Variants in MARCHF11 observed in about 807,000 individuals in gnomAD.
MARCHF11 encodes membrane associated ring-CH-type finger 11, also known as E3 ubiquitin-protein ligase MARCHF11.
MARCHF11 carries 29 observed loss-of-function variants against 37.3 expected under a neutral mutation model. That is an observed-to-expected ratio of 0.78 (90% CI 0.58 to 1.06). The LOEUF is 1.06. MARCHF11 is among the 50% of genes least tolerant of loss of function. The probability of loss-of-function intolerance (pLI) is 0.00; values close to 1 mark genes in which losing one functional copy is unlikely to be tolerated. For synonymous variants in MARCHF11, 233 were observed against 228.0 expected (o/e 1.02, Z -0.20); for missense variants, 482 against 533.4 (o/e 0.90, Z 0.95).
chr5:16,164,112 T>C (rs149823385), intron 2 of MARCHF11, among the ~76,000 whole-genome samples: 440 of 152,198 alleles, frequency 2.9e-3, no homozygotes, highest in African/African-American at 0.01. Flanking sequence ...TATTAAATTA[T>C]CCAGTCTGGT....
intron 2 of MARCHF11, among the ~76,000 whole-genome samples, chr5:16,173,075 A>G (rs954998833): frequency 9.9e-5 from 15 of 152,214 alleles, no homozygotes; most frequent in African/African-American, 3.1e-4. Context: ...AAAGGCTAAT[A>G]AAAAACAGTA....
intron 3 of MARCHF11, among the ~76,000 whole-genome samples, chr5:16,075,570 C>A (rs538206725): frequency 6.6e-6 from 1 of 152,070 alleles, no homozygotes; most frequent in Non-Finnish European, 1.5e-5. Context: ...AAAACTCAGT[C>A]TTTGCTGAAA....
chr5:16,107,394 G>A (rs1229273760), intron 2 of MARCHF11, among the ~76,000 whole-genome samples: 1 of 151,668 alleles, frequency 6.6e-6, no homozygotes, highest in African/African-American at 2.4e-5. Flanking sequence ...TGTCCCTACT[G>A]AAGCATAATT....
At chr5:16,148,585 C>T (rs547539668) in intron 2 of MARCHF11, among the ~76,000 whole-genome samples, 1 of 152,324 alleles carries the variant, frequency 6.6e-6, no homozygotes, top group South Asian at 2.1e-4. Context: ...GATCCTTCTC[C>T]AGCCAACTGT....
intron 2 of MARCHF11, among the ~76,000 whole-genome samples, chr5:16,164,367 A>G (rs1738136652): frequency 6.6e-6 from 1 of 152,074 alleles, no homozygotes. Flanking sequence ...AAGGAAATAG[A>G]AGTCTTGAAC....
At chr5:16,129,309 A>C (rs904596352) in intron 2 of MARCHF11, 1 of 152,192 alleles carries the variant, frequency 6.6e-6, no homozygotes, top group African/African-American at 2.4e-5. Flanking sequence ...GTAAGATTGT[A>C]GAATGGCTGG....
In MARCHF11 at chr5:16,081,476, A is replaced by C. The variant is rs572090588; in HGVS notation, c.886+9413T>G. Among the ~76,000 whole-genome samples the C allele has an allele frequency of 1.5e-4, 23 of 152,324 alleles. No homozygotes were observed. In the East Asian group the frequency reaches 4.1e-3, roughly 27 times the overall value. On this transcript the variant is annotated intron_variant, in intron 3 of 3. Coordinates refer to ENST00000332432, the MANE Select transcript of MARCHF11 (RefSeq NM_001102562.3). Reference sequence around the variant, plus strand: ...TAAAAATGTATTCAACCATTTAAAAACGTAAAAGCCATTCTTAGATCCCGG... The same window carrying C: ...TAAAAATGTATTCAACCATTTAAAACCGTAAAAGCCATTCTTAGATCCCGG...
chr5:16,095,914 C>T (rs1053260113), intron 2 of MARCHF11, among the ~76,000 whole-genome samples: 7 of 152,188 alleles, frequency 4.6e-5, no homozygotes, highest in African/African-American at 1.4e-4. Flanking sequence ...TGGAAATACA[C>T]GGAATTCTGA....
intron 2 of MARCHF11, among the ~76,000 whole-genome samples, chr5:16,101,553 G>A (rs1166313228): frequency 6.6e-6 from 1 of 152,170 alleles, no homozygotes; most frequent in African/African-American, 2.4e-5. Flanking sequence ...TGCCCCATAT[G>A]AATTAAAAGT....
chr5:16,083,448 A>G (rs1057058994), intron 3 of MARCHF11, among the ~76,000 whole-genome samples: 34 of 152,156 alleles, frequency 2.2e-4, no homozygotes, highest in African/African-American at 8.2e-4. Context: ...ATCGCTACCT[A>G]TCGACAACAA....
chr5:16,079,362 T>C (rs1736569732), intron 3 of MARCHF11, among the ~76,000 whole-genome samples: 1 of 152,190 alleles, frequency 6.6e-6, no homozygotes, highest in African/African-American at 2.4e-5. Flanking sequence ...ATGCACCACC[T>C]TCTTTCTGGC....
chr5:16,169,997 G>A (rs1738231924), intron 2 of MARCHF11, among the ~76,000 whole-genome samples: 1 of 152,090 alleles, frequency 6.6e-6, no homozygotes. Context: ...TTAGTGAGGA[G>A]GAAATAGCCT....
chr5:16,164,677 G>T lies in MARCHF11; in HGVS notation c.693+13049C>A, dbSNP rs373170656. ...ATTATTGATAATAAATGAGATAAAGGCTATAAATAACTTGAAGTTAAAGTC... is the reference window on the plus strand; with the variant it reads ...ATTATTGATAATAAATGAGATAAAGTCTATAAATAACTTGAAGTTAAAGTC... On this transcript the variant is annotated intron_variant, in intron 2 of 3. Coordinates refer to ENST00000332432, the MANE Select transcript of MARCHF11 (RefSeq NM_001102562.3). Among the ~76,000 whole-genome samples the T allele has an allele frequency of 3.9e-5, 6 of 152,046 alleles. No homozygotes were observed. In the South Asian group the frequency reaches 6.2e-4, roughly 16 times the overall value.
Position 16,179,203 on chromosome 5 carries a change from C to T in MARCHF11, c.373G>A (p.Gly125Ser). Residue 125 changes from glycine to serine, a missense_variant, in exon 1 of 4, where the codon GGC becomes AGC. Physicochemically the swap from Gly to Ser is moderately conservative, Grantham distance 56. Coordinates refer to ENST00000332432, the MANE Select transcript of MARCHF11 (RefSeq NM_001102562.3). ...AKGGPGESEA[G>S]AGGERERRGA... is the part of the protein sequence containing the mutation. ...CGCCGCTCGCGCTCGCCGCCCGCGC[C>T]GGCCTCAGACTCCCCGGGGCCGCCT... 1.5e-6 allele frequency: 2 copies of T among 1,337,952 alleles called. No homozygotes were observed. The highest frequency in any genetic ancestry group is 1.9e-6 in the Non-Finnish European group (2 of 1,052,616). The allele number at this position is 1,337,952 out of a possible 1,614,324, so 82.9% of individuals were successfully genotyped here.
intron 3 of MARCHF11, among the ~76,000 whole-genome samples, chr5:16,086,922 C>T (rs780644977): frequency 7.9e-5 from 12 of 152,170 alleles, no homozygotes; most frequent in Non-Finnish European, 1.3e-4. Context: ...GGCCTTCTGC[C>T]GGGCAGGTGT....
chr5:16,107,264 C>T (rs927897353), intron 2 of MARCHF11, among the ~76,000 whole-genome samples: 3 of 151,760 alleles, frequency 2.0e-5, no homozygotes, highest in South Asian at 2.1e-4. Flanking sequence ...CTCTCCCAAG[C>T]GTTGCTTAAA....
intron 2 of MARCHF11, among the ~76,000 whole-genome samples, chr5:16,144,669 C>T (rs148484350): frequency 1.8e-4 from 28 of 152,302 alleles, no homozygotes; most frequent in Non-Finnish European, 3.7e-4. Context: ...CACATGGCTC[C>T]GCACCCAGTG....
chr5:16,092,989 T>C (rs17526214), intron 2 of MARCHF11, among the ~76,000 whole-genome samples: 13,701 of 152,270 alleles, frequency 0.09, 841 homozygotes, highest in Non-Finnish European at 0.13. Context: ...TAAAATTTGT[T>C]TTGAATGCAA....
At position 16,179,444 on chromosome 5, in the gene MARCHF11, C is replaced by G. The variant is rs1738431642; in HGVS notation, c.132G>C (p.Ala44=). ...PPPGEPAPVP[A]APRYLPPLPA... is the part of the protein sequence containing the mutation. Reference sequence around the variant, plus strand: ...GCAGCGGCGGCAGGTAGCGCGGGGCCGCGGGGACCGGGGCCGGCTCTCCCG... The same window carrying G: ...GCAGCGGCGGCAGGTAGCGCGGGGCGGCGGGGACCGGGGCCGGCTCTCCCG... The change falls in exon 1 of 4, where the codon GCG becomes GCC. Residue 44 remains alanine, a synonymous_variant. Coordinates refer to ENST00000332432, the MANE Select transcript of MARCHF11 (RefSeq NM_001102562.3). 1.8e-6 allele frequency: 2 copies of G among 1,113,126 alleles called. No individual in the cohort carries two copies. Among genetic ancestry groups the G allele is most frequent in the African/African-American group, 3.3e-5 (2 of 59,762 alleles). The allele number at this position is 1,113,126 out of a possible 1,614,324, so 69.0% of individuals were successfully genotyped here.
Sources: gnomAD v4.1 joint callset for allele counts (sites outside exome capture counted in the v4.1 genomes callset) on GRCh38, gnomAD v4.1.1 for gene constraint, MANE v1.5 for transcripts, NCBI Gene and HGNC (gene_info 2026-07-23, HGNC 2026-07-21) for gene names.